Variants in STAG1 observed in about 807,000 individuals in gnomAD.
STAG1 encodes the protein cohesin subunit SA-1.
Under a neutral mutation model 170.9 loss-of-function variants are expected in STAG1, and 26 were observed. The ratio of observed to expected loss-of-function variants is 0.15; its 90% CI spans 0.11 to 0.21. The LOEUF (loss-of-function observed/expected upper bound fraction) is 0.21, where lower values mean the gene tolerates loss of function less well. Among genes scored for constraint, STAG1 ranks in the 10% least tolerant of loss-of-function variants. The pLI is 1.00. For missense variants in STAG1, 964 were observed against 1,509.5 expected, an observed-to-expected ratio of 0.64 and a Z score of 5.99; for synonymous variants, 514 against 497.7, an observed-to-expected ratio of 1.03 and a Z score of -0.44.
In STAG1 at chr3:136,503,040, C is replaced by T. The variant is rs1232780052; in HGVS notation, c.677-261G>A. 3.3e-5 allele frequency among the ~76,000 whole-genome samples: 5 copies of T among 152,264 alleles called. No individual in the cohort carries two copies. The East Asian group carries it at 7.7e-4, about 23-fold the overall frequency. On this transcript the variant is annotated intron_variant, in intron 7 of 33. Coordinates refer to ENST00000383202, the MANE Select transcript of STAG1 (RefSeq NM_005862.3). The stretch of plus-strand genomic sequence containing the variant: ...TCCTAACTAACAGAAGAAAGGATTT[C>T]AGTTCTATCTTCAACAACTCCTTTC...
chr3:136,690,056 C>CAAAAAAA (rs57082567), intron 1 of STAG1, among the ~76,000 whole-genome samples: 3 of 56,364 alleles, frequency 5.3e-5, no homozygotes, highest in East Asian at 5.8e-4. Flanking sequence ...AAAAGCAAAC[C>CAAAAAAA]AAAAAAAAAA....
chr3:136,461,802 C>G (rs2089282794), intron 13 of STAG1, among the ~76,000 whole-genome samples: 1 of 152,064 alleles, frequency 6.6e-6, no homozygotes, highest in South Asian at 2.1e-4. Flanking sequence ...ATTCATCTGA[C>G]AAGGGATTAG....
chr3:136,663,585 T>G (rs1165734972), intron 1 of STAG1, among the ~76,000 whole-genome samples: 2 of 152,148 alleles, frequency 1.3e-5, no homozygotes, highest in African/African-American at 4.8e-5. Context: ...GCATGGCTCC[T>G]CATGTAGATA....
At chr3:136,510,234 T>C (rs959914134) in intron 7 of STAG1, among the ~76,000 whole-genome samples, 1 of 152,170 alleles carries the variant, frequency 6.6e-6, no homozygotes, top group African/African-American at 2.4e-5. Flanking sequence ...TGGAGGTAAC[T>C]GGGATCATGG....
At chr3:136,358,938 T>C (rs1936757308) in intron 27 of STAG1, among the ~76,000 whole-genome samples, 1 of 152,208 alleles carries the variant, frequency 6.6e-6, no homozygotes, top group African/African-American at 2.4e-5. Flanking sequence ...TTATTAAATT[T>C]TGCTTTCCAT....
chr3:136,359,176 T>A lies in STAG1; in HGVS notation c.2908A>T (p.Thr970Ser). The A allele has an allele frequency of 6.2e-7, 1 of 1,613,274 alleles. No individual in the cohort carries two copies. Among genetic ancestry groups the A allele is most frequent in the African/African-American group, 1.3e-5 (1 of 75,032 alleles). Residue 970 changes from threonine to serine, a missense_variant, in exon 27 of 34, where the codon ACA becomes TCA. This residue lies in a region of STAG1 where 149 missense variants were observed against 301.3 expected (regional missense o/e 0.49). Coordinates refer to ENST00000383202, the MANE Select transcript of STAG1 (RefSeq NM_005862.3). ...TGAAGTGTGGCAACTGCTTCTCGTG[T>A]CTTAATCTGGTCCAATCCAAATGTA... Reference protein sequence around the residue: ...ALTFGLDQIKTREAVATLHKD... With the variant: ...ALTFGLDQIKSREAVATLHKD...
intron 6 of STAG1, among the ~76,000 whole-genome samples, chr3:136,538,428 C>T (rs55876984): frequency 0.39 from 53,309 of 135,604 alleles, 10,518 homozygotes; most frequent in African/African-American, 0.55. Flanking sequence ...TTTTTTTTTT[C>T]TTTTTTGAGA....
chr3:136,539,149 T>C (rs1006228013), intron 6 of STAG1, among the ~76,000 whole-genome samples: 15 of 150,640 alleles, frequency 1.0e-4, no homozygotes, highest in Non-Finnish European at 7.4e-5. Flanking sequence ...AAAAAAAAAA[T>C]GTTTTAGTGA....
chr3:136,512,268 T>C (rs1285329004), intron 7 of STAG1, among the ~76,000 whole-genome samples: 3 of 152,076 alleles, frequency 2.0e-5, no homozygotes, highest in African/African-American at 4.8e-5. Context: ...ATCATGCCAC[T>C]GCACTCCAGC....
At chr3:136,544,311 C>T (rs2107729600) in intron 5 of STAG1, among the ~76,000 whole-genome samples, 1 of 152,298 alleles carries the variant, frequency 6.6e-6, no homozygotes, top group Admixed American at 6.5e-5. Context: ...TTCTCCTCCT[C>T]TATTCTATGA....
chr3:136,446,732 T>G (rs187899418), intron 14 of STAG1, among the ~76,000 whole-genome samples: 3 of 148,088 alleles, frequency 2.0e-5, no homozygotes, highest in Admixed American at 1.4e-4. Context: ...CTCCCTTGTT[T>G]CTGTTCTCCT....
intron 12 of STAG1, among the ~76,000 whole-genome samples, chr3:136,465,249 T>G (rs1228980058): frequency 1.4e-5 from 2 of 142,792 alleles, no homozygotes; most frequent in Non-Finnish European, 3.0e-5. Context: ...AGACAGAGTC[T>G]TGCTCTGTCA....
intron 16 of STAG1, chr3:136,429,962 A>C (rs1310974731): frequency 1.3e-5 from 2 of 152,244 alleles, no homozygotes; most frequent in Non-Finnish European, 2.9e-5. Context: ...AAAATGTGTT[A>C]ATCCATTGTT....
At chr3:136,517,221 T>C (rs1576553937) in intron 7 of STAG1, among the ~76,000 whole-genome samples, 1 of 152,342 alleles carries the variant, frequency 6.6e-6, no homozygotes, top group South Asian at 2.1e-4. Flanking sequence ...CCACATTTTC[T>C]AATTTTTTCC....
intron 23 of STAG1, among the ~76,000 whole-genome samples, chr3:136,370,056 CT>C (rs1937241272): frequency 1.3e-3 from 3 of 2,300 alleles, no homozygotes; most frequent in Middle Eastern, 0.071. Context: ...ATTTACTATA[CT>C]ATACTATACT....
intron 4 of STAG1, among the ~76,000 whole-genome samples, chr3:136,578,621 T>C (rs146140902): frequency 2.0e-5 from 3 of 152,336 alleles, no homozygotes; most frequent in East Asian, 1.9e-4. Flanking sequence ...ATACTGTGCA[T>C]TGTTGAAAGG....
At chr3:136,467,082 G>A (rs1195016352) in intron 12 of STAG1, among the ~76,000 whole-genome samples, 5 of 152,222 alleles carry the variant, frequency 3.3e-5, no homozygotes, top group African/African-American at 1.2e-4. Context: ...ATGCTAGAAA[G>A]AAACCGCATC....
intron 2 of STAG1, among the ~76,000 whole-genome samples, chr3:136,623,556 A>C (rs1037970347): frequency 1.3e-5 from 2 of 152,336 alleles, no homozygotes; most frequent in South Asian, 4.1e-4. Context: ...AAAAATATGA[A>C]GGCTTAGGAA....
intron 1 of STAG1, chr3:136,736,778 T>G: frequency 6.3e-7 from 1 of 1,597,808 alleles, no homozygotes; most frequent in Non-Finnish European, 8.6e-7. Context: ...TACAGCTTGT[T>G]TGAACAGCTC....
Sources: allele counts gnomAD v4.1 joint callset (sites outside exome capture counted in the v4.1 genomes callset), GRCh38; gene constraint gnomAD v4.1.1; regional missense constraint gnomAD v4.1.1; transcripts MANE v1.5; gene names NCBI Gene and HGNC (gene_info 2026-07-23, HGNC 2026-07-21).